Variants in OPHN1 observed in about 807,000 individuals in gnomAD.
OPHN1 encodes oligophrenin 1.
Under a neutral mutation model 60.7 loss-of-function variants are expected in OPHN1, and 11 were observed. That is an observed-to-expected ratio of 0.18 (90% CI 0.11 to 0.30). The LOEUF is 0.30. OPHN1 is among the 10% of genes least tolerant of loss of function. OPHN1 has a pLI of 1.00. For missense variants in OPHN1, 449 were observed against 611.0 expected, an observed-to-expected ratio of 0.73 and a Z score of 2.80; for synonymous variants, 226 against 222.6, an observed-to-expected ratio of 1.02 and a Z score of -0.14.
chrX:68,399,663 G>A (rs914506440), intron 2 of OPHN1, among the ~76,000 whole-genome samples: 21 of 89,108 alleles, frequency 2.4e-4, no homozygotes, highest in Admixed American at 1.5e-3. Context: ...GCAAGACTCT[G>A]TCTCAAAATA....
At chrX:68,209,998 T>G in intron 9 of OPHN1, 155 bp downstream of exon 9, 1 of 541,340 alleles carries the variant, frequency 1.8e-6, no homozygotes, top group Non-Finnish European at 3.1e-6. Flanking sequence ...TCTCCTTTTT[T>G]TTTTTTTGTT....
intron 2 of OPHN1, among the ~76,000 whole-genome samples, chrX:68,346,492 T>A (rs1156228511): frequency 8.9e-6 from 1 of 112,151 alleles, no homozygotes; most frequent in African/African-American, 3.2e-5. Flanking sequence ...TACAACAATC[T>A]AATTAGGCAA....
intron 5 of OPHN1, among the ~76,000 whole-genome samples, chrX:68,249,636 G>T (rs2077823738): frequency 8.9e-6 from 1 of 111,929 alleles, no homozygotes; most frequent in Admixed American, 9.5e-5. Flanking sequence ...GGCAAGACCA[G>T]CTGTGGAGCT....
intron 12 of OPHN1, among the ~76,000 whole-genome samples, chrX:68,194,972 A>AAAAG (rs754895793): frequency 1.0e-5 from 1 of 97,242 alleles, no homozygotes; most frequent in Admixed American, 1.1e-4. Context: ...TGTCAAAAAA[A>AAAAG]AAAGAAAGAA....
chrX:68,259,251 G>C (rs73634108), intron 5 of OPHN1, among the ~76,000 whole-genome samples: 6,115 of 110,901 alleles, frequency 0.055, 418 homozygotes, highest in African/African-American at 0.19. Flanking sequence ...AGGAGTTCGA[G>C]ACCAGTCTGG....
At chrX:68,150,309 G>T (rs1366553129) in intron 15 of OPHN1, among the ~76,000 whole-genome samples, 1 of 111,217 alleles carries the variant, frequency 9.0e-6, no homozygotes, top group Non-Finnish European at 1.9e-5. Flanking sequence ...GTTAATATAT[G>T]AATTCCACCT....
chrX:68,317,336 G>C (rs1315879844), intron 2 of OPHN1, among the ~76,000 whole-genome samples: 1 of 22,211 alleles, frequency 4.5e-5, no homozygotes, highest in East Asian at 2.3e-3. Context: ...GAAAGAAAGA[G>C]AGGAAAGAAA....
At chrX:68,333,176 C>G (rs767190680) in intron 2 of OPHN1, among the ~76,000 whole-genome samples, 13 of 109,636 alleles carry the variant, frequency 1.2e-4, no homozygotes, top group African/African-American at 1.7e-4. Context: ...TGCCTGTAAT[C>G]TTAGTACAGG....
intron 9 of OPHN1, among the ~76,000 whole-genome samples, chrX:68,209,373 C>G (rs1385929549): frequency 9.0e-6 from 1 of 111,693 alleles, no homozygotes; most frequent in Non-Finnish European, 1.9e-5. Context: ...ATCCATGAGC[C>G]TGAGCAACAT....
chrX:68,252,886 T>C lies in OPHN1; in HGVS notation c.385-18298A>G, dbSNP rs1264601307. ...AAAAAAAATCCTCTGGACATGCATA[T>C]CCTACTGTGAGCAGAAGCCAGTTTC... On this transcript the variant is annotated intron_variant, in intron 5 of 24. Coordinates refer to ENST00000355520, the MANE Select transcript of OPHN1 (RefSeq NM_002547.3). Among the ~76,000 whole-genome samples the C allele has an allele frequency of 2.7e-5, 3 of 110,300 alleles. No homozygotes were observed. The East Asian group carries it at 8.6e-4, about 32-fold the overall frequency.
intron 15 of OPHN1, among the ~76,000 whole-genome samples, chrX:68,127,817 C>T (rs2077177979): frequency 9.0e-6 from 1 of 111,688 alleles, no homozygotes. Context: ...ACAATACCCA[C>T]ATTCCCCCTA....
chrX:68,308,465 G>A (rs1362128098), intron 2 of OPHN1, among the ~76,000 whole-genome samples: 1 of 109,102 alleles, frequency 9.2e-6, no homozygotes, highest in Non-Finnish European at 1.9e-5. Context: ...GGTGGTGTGT[G>A]CCTGTGGTTC....
chrX:68,195,520 G>A (rs2077509357), intron 12 of OPHN1, among the ~76,000 whole-genome samples: 1 of 112,008 alleles, frequency 8.9e-6, no homozygotes, highest in Non-Finnish European at 1.9e-5. Context: ...ATTTATATCA[G>A]TAAAGTGATC....
intron 19 of OPHN1, among the ~76,000 whole-genome samples, chrX:68,084,528 C>T (rs1273597132): frequency 5.5e-5 from 6 of 110,088 alleles, no homozygotes; most frequent in Non-Finnish European, 9.5e-5. Flanking sequence ...GTGATATGAA[C>T]TTAATTGCTC....
At chrX:68,159,126 A>G (rs2077323121) in intron 15 of OPHN1, among the ~76,000 whole-genome samples, 1 of 111,846 alleles carries the variant, frequency 8.9e-6, no homozygotes, top group Non-Finnish European at 1.9e-5. Context: ...AACAGGTCCA[A>G]GGCTCTCTAG....
chrX:68,405,570 T>C lies in OPHN1; in HGVS notation c.154+27297A>G, dbSNP rs374354672. On this transcript the variant is annotated intron_variant, in intron 2 of 24. Coordinates refer to ENST00000355520, the MANE Select transcript of OPHN1 (RefSeq NM_002547.3). The stretch of plus-strand genomic sequence containing the variant: ...CCTGCATTACAGCTCAGATCAGACC[T>C]GTGTACACCTGGGATTTCCTAGATG... 4.5e-5 allele frequency among the ~76,000 whole-genome samples: 5 copies of C among 111,210 alleles called. No homozygotes were observed. The East Asian group carries it at 1.1e-3, about 25-fold the overall frequency.
chrX:68,318,452 T>G lies in OPHN1; in HGVS notation c.155-19356A>C, dbSNP rs184340533. ...ATATGGAAACATAAAGGAACTAAAA[T>G]AGCTCCTTTTTAAAAAATCAAAGTG... On this transcript the variant is annotated intron_variant, in intron 2 of 24. Coordinates refer to ENST00000355520, the MANE Select transcript of OPHN1 (RefSeq NM_002547.3). Among the ~76,000 whole-genome samples the G allele has an allele frequency of 3.2e-3, 361 of 112,090 alleles. 2 individuals are homozygous for G. Among genetic ancestry groups the G allele is most frequent in the African/African-American group, 0.011 (349 of 30,941 alleles).
chrX:68,071,240 C>T (rs2076932961), intron 20 of OPHN1: 5 of 666,483 alleles, frequency 7.5e-6, no homozygotes, highest in Admixed American at 6.6e-5. Flanking sequence ...GGCAGACTGA[C>T]TCCTACCATG....
chrX:68,193,907 T>C lies in OPHN1; in HGVS notation c.1184A>G (p.Asn395Ser), dbSNP rs150084635. 202 of 1,205,466 alleles carry C rather than the reference T, an allele frequency of 1.7e-4. No individual in the cohort carries two copies. Among genetic ancestry groups the C allele is most frequent in the Non-Finnish European group, 2.2e-4 (198 of 891,360 alleles). ...VGFKFVRKCI[N>S]IIETKGIKTE... ...GATCTTACCTTTGGTCTCAATAATA[T>C]TGATGCACTTCCTGACAAACTTGAA... Residue 395 changes from asparagine to serine, a missense_variant, in exon 14 of 25, where the codon AAT becomes AGT. Asn to Ser is a conservative substitution (Grantham distance 46). Coordinates refer to ENST00000355520, the MANE Select transcript of OPHN1 (RefSeq NM_002547.3).
Sources: gnomAD v4.1 joint callset for allele counts (sites outside exome capture counted in the v4.1 genomes callset) on GRCh38, gnomAD v4.1.1 for gene constraint, MANE v1.5 for transcripts, NCBI Gene and HGNC (gene_info 2026-07-23, HGNC 2026-07-21) for gene names.